Variants in GNAQ observed in about 807,000 individuals in gnomAD.
GNAQ encodes guanine nucleotide-binding protein G(q) subunit alpha.
Under a neutral mutation model 43.9 loss-of-function variants are expected in GNAQ, and 8 were observed. That is an observed-to-expected ratio of 0.18 (90% confidence interval 0.11 to 0.33). GNAQ has a LOEUF of 0.33. GNAQ is among the 10% of genes least tolerant of loss of function. GNAQ has a pLI of 1.00. For missense variants in GNAQ, 158 were observed against 450.8 expected, an observed-to-expected ratio of 0.35 and a Z score of 5.88; for synonymous variants, 155 against 170.7, an observed-to-expected ratio of 0.91 and a Z score of 0.71.
chr9:77,820,362 C>A (rs1035013828), intron 2 of GNAQ, among the ~76,000 whole-genome samples: 10 of 152,196 alleles, frequency 6.6e-5, no homozygotes, highest in African/African-American at 2.4e-4. Context: ...GAACCCTGAC[C>A]TTTCAGGTGC....
At chr9:77,903,097 G>T (rs1310393114) in intron 2 of GNAQ, among the ~76,000 whole-genome samples, 1 of 152,126 alleles carries the variant, frequency 6.6e-6, no homozygotes, top group Non-Finnish European at 1.5e-5. Context: ...CAGGGCAGGG[G>T]TGGGAAGAGC....
At position 77,815,672 on chromosome 9, in the gene GNAQ, T is replaced by G. The variant is rs758684158; in HGVS notation, c.420A>C (p.Gly140=). Residue 140 remains glycine, a synonymous_variant, in exon 3 of 7, where the codon GGA becomes GGC. Transcript: ENST00000286548. ...GTCGTCTATCATAGCATTCCTGGATTCCAGGATCATTCCATAAACTCTTTA... is the reference window on the plus strand; with the variant it reads ...GTCGTCTATCATAGCATTCCTGGATGCCAGGATCATTCCATAAACTCTTTA... ...DAIKSLWNDP[G]IQECYDRRRE... 1.2e-6 allele frequency: 2 copies of G among 1,600,680 alleles called. No individual in the cohort carries two copies. The highest frequency in any genetic ancestry group is 1.7e-6 in the Non-Finnish European group (2 of 1,168,064).
chr9:78,022,957 T>C (rs1823928972), intron 1 of GNAQ, among the ~76,000 whole-genome samples: 1 of 152,220 alleles, frequency 6.6e-6, no homozygotes. Context: ...AAAAAGATGT[T>C]AAGGCTTGCA....
At position 77,721,589 on chromosome 9, in the gene GNAQ, T is replaced by C. The variant is rs1047392836; in HGVS notation, c.890-76A>G. ...ATTCAATCATCATTGGTTCAATAAATACTGTGTCATTGCTCATGAAGCCTA... is the reference window on the plus strand; with the variant it reads ...ATTCAATCATCATTGGTTCAATAAACACTGTGTCATTGCTCATGAAGCCTA... On this transcript the variant is annotated intron_variant, in intron 6 of 6. Transcript: ENST00000286548. 3 of 850,908 alleles carry C rather than the reference T, an allele frequency of 3.5e-6. No homozygotes were observed. The African/African-American group carries it at 5.0e-5, about 14-fold the overall frequency. The allele number at this position is 850,908 out of a possible 1,614,324, so 52.7% of individuals were successfully genotyped here.
At position 77,831,893 on chromosome 9, in the gene GNAQ, C is replaced by CA. The variant is rs1220437914; in HGVS notation, c.322-16124dup. On this transcript the variant is annotated intron_variant, in intron 2 of 6. Coordinates refer to ENST00000286548, the MANE Select transcript of GNAQ (RefSeq NM_002072.5). Reference sequence around the variant, plus strand: ...CCTGCCTTCAGTTTTCTAAGACTATCAGAGTCTCATGTGACCTAAACTAGT... The same window carrying CA: ...CCTGCCTTCAGTTTTCTAAGACTATCAAGAGTCTCATGTGACCTAAACTAGT... Among the ~76,000 whole-genome samples, 13 of 152,264 alleles carry CA rather than the reference C, an allele frequency of 8.5e-5. No individual in the cohort carries two copies. The East Asian group carries it at 2.3e-3, about 27-fold the overall frequency.
intron 5 of GNAQ, among the ~76,000 whole-genome samples, chr9:77,792,640 G>T (rs1176501000): frequency 1.3e-5 from 2 of 152,046 alleles, no homozygotes; most frequent in Non-Finnish European, 2.9e-5. Context: ...TGATAATTTT[G>T]AAGTGGTAAA....
intron 2 of GNAQ, among the ~76,000 whole-genome samples, chr9:77,835,889 A>G (rs1422150316): frequency 1.3e-5 from 2 of 152,132 alleles, no homozygotes; most frequent in African/African-American, 2.4e-5. Flanking sequence ...TTATTTATTT[A>G]TTTTGTATTA....
intron 1 of GNAQ, among the ~76,000 whole-genome samples, chr9:77,990,995 AAT>A (rs1266468089): frequency 6.6e-6 from 1 of 152,252 alleles, no homozygotes; most frequent in Non-Finnish European, 1.5e-5. Context: ...AAATGTATTT[AAT>A]AGAGTCACTT....
chr9:77,842,444 T>C (rs1827507599), intron 2 of GNAQ, among the ~76,000 whole-genome samples: 1 of 152,178 alleles, frequency 6.6e-6, no homozygotes, highest in Non-Finnish European at 1.5e-5. Flanking sequence ...AGTTCAGACA[T>C]GCTATTGGGT....
chr9:78,012,493 C>G (rs889665549), intron 1 of GNAQ, among the ~76,000 whole-genome samples: 1 of 152,044 alleles, frequency 6.6e-6, no homozygotes, highest in African/African-American at 2.4e-5. Context: ...AGGTGTAAAC[C>G]ACCTCACCTG....
At chr9:77,753,458 C>CTCTA (rs1243812128) in intron 5 of GNAQ, among the ~76,000 whole-genome samples, 1 of 152,200 alleles carries the variant, frequency 6.6e-6, no homozygotes, top group African/African-American at 2.4e-5. Context: ...TACTTTCCTT[C>CTCTA]TAGATAACTC....
intron 2 of GNAQ, among the ~76,000 whole-genome samples, chr9:77,888,894 G>A (rs959537127): frequency 6.6e-6 from 1 of 152,090 alleles, no homozygotes. Flanking sequence ...GAGAGGACAC[G>A]GAAGAGATTC....
Position 77,777,407 on chromosome 9 carries a change from T to C in GNAQ, c.735+17056A>G, listed in dbSNP as rs542994323. The stretch of plus-strand genomic sequence containing the variant: ...CTACCAAAACTATTGGGAGAAAACA[T>C]AGGTGTAAATCTTTGTCACCCTGGA... On this transcript the variant is annotated intron_variant, in intron 5 of 6. Coordinates refer to ENST00000286548, the MANE Select transcript of GNAQ (RefSeq NM_002072.5). Among the ~76,000 whole-genome samples, 5 of 152,156 alleles carry C rather than the reference T, an allele frequency of 3.3e-5. No homozygotes were observed. In the South Asian group the frequency reaches 6.2e-4, roughly 19 times the overall value.
chr9:77,953,681 A>G (rs1190548786), intron 1 of GNAQ, among the ~76,000 whole-genome samples: 1 of 152,184 alleles, frequency 6.6e-6, no homozygotes, highest in African/African-American at 2.4e-5. Flanking sequence ...ATATGAACAG[A>G]TACTTCATCT....
intron 1 of GNAQ, among the ~76,000 whole-genome samples, chr9:78,023,822 CTA>C (rs1823941491): frequency 6.7e-6 from 1 of 150,322 alleles, no homozygotes. Flanking sequence ...ATATATGTAA[CTA>C]TGTGTCTAAA....
In GNAQ at chr9:77,815,738, C is replaced by T. The variant is rs770370257; in HGVS notation, c.354G>A (p.Val118=). ...AHAQLVREVD[V]EKVSAFENPY... ...GATTCTCAAAAGCAGACACCTTCTCCACATCAACTTCTCGAACTAATTGTG... is the reference window on the plus strand; with the variant it reads ...GATTCTCAAAAGCAGACACCTTCTCTACATCAACTTCTCGAACTAATTGTG... The change falls in exon 3 of 7, where the codon GTG becomes GTA. Residue 118 remains valine (V), a synonymous_variant. Transcript: ENST00000286548. 44 of 1,611,496 alleles carry T rather than the reference C, an allele frequency of 2.7e-5. No individual in the cohort carries two copies. The highest frequency in any genetic ancestry group is 3.4e-5 in the Non-Finnish European group (40 of 1,178,064).
At chr9:77,752,527 C>T (rs1276744750) in intron 5 of GNAQ, among the ~76,000 whole-genome samples, 2 of 152,220 alleles carry the variant, frequency 1.3e-5, no homozygotes, top group African/African-American at 4.8e-5. Context: ...TACAGCTGAT[C>T]TAACTGCAAC....
At chr9:77,723,118 A>C (rs894251231) in intron 6 of GNAQ, among the ~76,000 whole-genome samples, 1 of 152,274 alleles carries the variant, frequency 6.6e-6, no homozygotes, top group African/African-American at 2.4e-5. Flanking sequence ...TTTTCTAAAG[A>C]AGATATACAA....
chr9:77,740,730 A>G (rs1354237535), intron 5 of GNAQ, among the ~76,000 whole-genome samples: 1 of 152,078 alleles, frequency 6.6e-6, no homozygotes, highest in African/African-American at 2.4e-5. Flanking sequence ...TTAGACTCTG[A>G]TATGTATTTT....
Sources: allele counts gnomAD v4.1 joint callset (sites outside exome capture counted in the v4.1 genomes callset), GRCh38; gene constraint gnomAD v4.1.1; transcripts MANE v1.5; gene names NCBI Gene and HGNC (gene_info 2026-07-23, HGNC 2026-07-21).